The following CNTN5 variants were observed in gnomAD, a reference collection of about 807,000 sequenced individuals.
The protein encoded by CNTN5 is contactin 5.
A neutral mutation model predicts 129.1 loss-of-function variants in CNTN5; 77 were observed. The observed-to-expected ratio is 0.60, with a 90% CI of 0.50 to 0.72. The LOEUF is 0.72. Among genes scored for constraint, CNTN5 ranks in the 30% least tolerant of loss-of-function variants. The probability of loss-of-function intolerance (pLI) is 0.00; values close to 1 mark genes in which losing one functional copy is unlikely to be tolerated. For synonymous variants in CNTN5, 509 were observed against 465.6 expected (o/e 1.09, Z -1.20); for missense variants, 1,478 against 1,328.8 (o/e 1.11, Z -1.75).
chr11:99,955,420 G>T (rs1296942759), intron 7 of CNTN5, among the ~76,000 whole-genome samples: 4 of 152,002 alleles, frequency 2.6e-5, no homozygotes, highest in African/African-American at 9.7e-5. Context: ...TCAACTGGGT[G>T]ATGGTAACAG....
At chr11:99,033,676 A>G (rs1414639447) in intron 1 of CNTN5, among the ~76,000 whole-genome samples, 7 of 150,786 alleles carry the variant, frequency 4.6e-5, no homozygotes, top group East Asian at 2.0e-4. Flanking sequence ...GGGCTGAGAC[A>G]ATGGGGTTTT....
intron 3 of CNTN5, among the ~76,000 whole-genome samples, chr11:99,686,412 C>T (rs1427518513): frequency 6.6e-6 from 1 of 151,454 alleles, no homozygotes; most frequent in Non-Finnish European, 1.5e-5. Flanking sequence ...CTTTTTGCTT[C>T]CTTTTATTTT....
intron 18 of CNTN5, among the ~76,000 whole-genome samples, chr11:100,286,060 C>T (rs1010958318): frequency 1.1e-4 from 16 of 152,330 alleles, no homozygotes; most frequent in South Asian, 4.1e-4. Flanking sequence ...GCTTAAAAAA[C>T]GGCCCAACAC....
chr11:99,645,120 C>A (rs1169046554), intron 3 of CNTN5, among the ~76,000 whole-genome samples: 3 of 132,988 alleles, frequency 2.3e-5, no homozygotes, highest in Non-Finnish European at 5.2e-5. Flanking sequence ...AAAAGCCAGG[C>A]GTGATGCTGG....
Position 99,656,947 on chromosome 11 carries a change from A to C in CNTN5, c.55+100678A>C, listed in dbSNP as rs1444422452. ...ATCTAATTTAACCCAGACATTTTGA[A>C]AAAAAAAAATGTGTTTCTTGCATAG... is the stretch of plus-strand genomic sequence containing the variant. On this transcript the variant is annotated intron_variant, in intron 3 of 24. Transcript: ENST00000524871. Among the ~76,000 whole-genome samples, 5 of 14,946 alleles carry C rather than the reference A, an allele frequency of 3.3e-4. No individual in the cohort carries two copies. The Admixed American group carries it at 7.6e-3, about 23-fold the overall frequency. The allele number at this position is 14,946 out of a possible 152,430, so 9.8% of individuals were successfully genotyped here.
intron 1 of CNTN5, among the ~76,000 whole-genome samples, chr11:99,283,119 G>T (rs574219726): frequency 7.2e-4 from 109 of 152,168 alleles, no homozygotes; most frequent in Non-Finnish European, 1.3e-3. Flanking sequence ...ATTAGTCAAC[G>T]TAAAATGTTT....
intron 1 of CNTN5, among the ~76,000 whole-genome samples, chr11:99,232,178 T>C (rs535656970): frequency 7.2e-5 from 11 of 152,270 alleles, no homozygotes; most frequent in Non-Finnish European, 1.0e-4. Context: ...TTTCTCTAAT[T>C]TGGGGAAGAA....
rs1952058539 is a variant in CNTN5 at position 100,337,412 on chromosome 11, A to T, written c.2731-3051A>T. ...AGAGCACCTATCAGCAATCCAGGGAAGAGTGAAGCAGCCTCCCTGTGGCCC... is the reference window on the plus strand; with the variant it reads ...AGAGCACCTATCAGCAATCCAGGGATGAGTGAAGCAGCCTCCCTGTGGCCC... On this transcript the variant is annotated intron_variant, in intron 21 of 24. Transcript: ENST00000524871. The T allele has an allele frequency of 4.6e-5, 35 of 766,540 alleles. No homozygotes were observed. The South Asian group carries it at 4.7e-4, about 10-fold the overall frequency. The allele number at this position is 766,540 out of a possible 1,614,324, so 47.5% of individuals were successfully genotyped here. A position where few individuals can be genotyped will look rare whatever the true frequency, so the allele number is the denominator to read the frequency against.
intron 17 of CNTN5, among the ~76,000 whole-genome samples, chr11:100,269,721 G>A (rs1950373160): frequency 1.3e-5 from 2 of 152,066 alleles, no homozygotes; most frequent in South Asian, 4.1e-4. Flanking sequence ...ATATGTGCTG[G>A]GCAGAAGAGG....
chr11:99,511,996 T>C (rs571369055), intron 2 of CNTN5, among the ~76,000 whole-genome samples: 5 of 152,250 alleles, frequency 3.3e-5, no homozygotes, highest in Middle Eastern at 3.4e-3. Flanking sequence ...AAGCTAAGGC[T>C]AATTTATTGA....
At chr11:99,248,698 C>T (rs1207944452) in intron 1 of CNTN5, among the ~76,000 whole-genome samples, 1 of 151,804 alleles carries the variant, frequency 6.6e-6, no homozygotes, top group Non-Finnish European at 1.5e-5. Context: ...GCCAGTTTTC[C>T]CAGCACCATG....
chr11:100,273,154 G>A (rs111450559), intron 18 of CNTN5, among the ~76,000 whole-genome samples: 2,164 of 152,084 alleles, frequency 0.014, 69 homozygotes, highest in African/African-American at 0.05. Context: ...GGGCGCCCTC[G>A]GGAGCCTTGA....
At chr11:99,491,587 A>T (rs78895206) in intron 2 of CNTN5, among the ~76,000 whole-genome samples, 1 of 152,098 alleles carries the variant, frequency 6.6e-6, no homozygotes, top group African/African-American at 2.4e-5. Flanking sequence ...ACAATATGCT[A>T]TTGGGATTAT....
chr11:100,001,245 C>A (rs1939855727), intron 8 of CNTN5, among the ~76,000 whole-genome samples: 1 of 152,070 alleles, frequency 6.6e-6, no homozygotes, highest in Non-Finnish European at 1.5e-5. Context: ...TACGTGGTGG[C>A]AGAAGAGACG....
chr11:99,704,560 ATGTG>A (rs760860186), intron 3 of CNTN5, among the ~76,000 whole-genome samples: 90 of 151,164 alleles, frequency 6.0e-4, no homozygotes, highest in Non-Finnish European at 1.2e-3. Context: ...AAGATTCTAA[ATGTG>A]TGTAATAAGT....
At chr11:99,782,783 A>G (rs1945359835) in intron 3 of CNTN5, among the ~76,000 whole-genome samples, 1 of 152,050 alleles carries the variant, frequency 6.6e-6, no homozygotes, top group Non-Finnish European at 1.5e-5. Context: ...ATATGTAGAA[A>G]GCTGAAACTG....
rs1344162560 is a variant in CNTN5, at chr11:99,325,468, C to G, written c.-87C>G. On this transcript the variant is annotated 5_prime_UTR_variant, in exon 2 of 25. Transcript: ENST00000524871. Reference sequence around the variant, plus strand: ...CTTTGTCAAGAGCATACTTTGGACCCTGTTTTCAGAAAGCAGGTATGGTTC... The same window carrying G: ...CTTTGTCAAGAGCATACTTTGGACCGTGTTTTCAGAAAGCAGGTATGGTTC... 6.6e-6 allele frequency: 1 copy of G among 152,032 alleles called. No individual in the cohort carries two copies. Among genetic ancestry groups the G allele is most frequent in the Non-Finnish European group, 1.5e-5 (1 of 67,998 alleles). 9.4% of individuals were successfully genotyped at this position (152,032 alleles called of 1,614,324 possible). A position where few individuals can be genotyped will look rare whatever the true frequency, so the allele number is the denominator to read the frequency against.
At chr11:99,422,041 T>TA (rs2135057875) in intron 2 of CNTN5, among the ~76,000 whole-genome samples, 1 of 152,262 alleles carries the variant, frequency 6.6e-6, no homozygotes, top group Non-Finnish European at 1.5e-5. Context: ...CCTCACTAGG[T>TA]AATTGCCTTT....
intron 13 of CNTN5, among the ~76,000 whole-genome samples, chr11:100,188,952 A>G (rs2138492031): frequency 6.6e-6 from 1 of 152,304 alleles, no homozygotes; most frequent in African/African-American, 2.4e-5. Flanking sequence ...ACTGGAGGCC[A>G]TTATCCAAAG....
Sources: gnomAD v4.1 joint callset for allele counts (sites outside exome capture counted in the v4.1 genomes callset) on GRCh38, gnomAD v4.1.1 for gene constraint, MANE v1.5 for transcripts, NCBI Gene and HGNC (gene_info 2026-07-23, HGNC 2026-07-21) for gene names.